Variants in CDH13 observed in about 807,000 individuals in gnomAD.
The protein encoded by CDH13 is cadherin 13, also known as cadherin-13.
Under a neutral mutation model 63.8 loss-of-function variants are expected in CDH13, and 24 were observed. The ratio of observed to expected loss-of-function variants is 0.38; its 90% confidence interval spans 0.27 to 0.53. The LOEUF (loss-of-function observed/expected upper bound fraction) is 0.53. Ranked by LOEUF, CDH13 falls within the 20% of genes least tolerant of loss-of-function variation. CDH13 has a pLI of 0.85. For synonymous variants in CDH13, 503 were observed against 355.3 expected, an observed-to-expected ratio of 1.42 and a Z score of -4.67; for missense variants, 1,049 against 903.1, an observed-to-expected ratio of 1.16 and a Z score of -2.07.
In CDH13 at chr16:83,158,828, C is replaced by T. The variant is rs561718140; in HGVS notation, c.483+33327C>T. On this transcript the variant is annotated intron_variant, in intron 4 of 13. Transcript: ENST00000567109. ...GGCCCATGGTAGCCAGGAAGGGCGG[C>T]GGGGTGGTCCTTGGTACCTGGAGCC... Among the ~76,000 whole-genome samples the T allele has an allele frequency of 4.0e-4, 61 of 152,314 alleles. 1 individual carries two copies. In the Middle Eastern group the frequency reaches 0.01, roughly 25 times the overall value.
At chr16:83,791,276 C>T (rs1465760200) in intron 13 of CDH13, among the ~76,000 whole-genome samples, 3 of 152,208 alleles carry the variant, frequency 2.0e-5, no homozygotes, top group Admixed American at 2.0e-4. Context: ...GTGGGCCGAT[C>T]ACCTGAGGTC....
chr16:83,278,156 T>C (rs1187395498), intron 5 of CDH13, among the ~76,000 whole-genome samples: 2 of 152,172 alleles, frequency 1.3e-5, no homozygotes, highest in African/African-American at 4.8e-5. Context: ...TTCTGGCAAA[T>C]TTGCAGTTAT....
At chr16:83,387,119 G>A (rs917474727) in intron 6 of CDH13, among the ~76,000 whole-genome samples, 2 of 152,164 alleles carry the variant, frequency 1.3e-5, no homozygotes, top group African/African-American at 4.8e-5. Context: ...AGAAATGAGT[G>A]TTAGGTCAAC....
chr16:83,689,139 G>C (rs933229209), intron 10 of CDH13, among the ~76,000 whole-genome samples: 6 of 152,108 alleles, frequency 3.9e-5, no homozygotes, highest in African/African-American at 1.4e-4. Flanking sequence ...TTGAAAACAT[G>C]GTTTCAAATT....
intron 8 of CDH13, among the ~76,000 whole-genome samples, chr16:83,669,547 C>A (rs149665161): frequency 6.6e-6 from 1 of 152,104 alleles, no homozygotes; most frequent in Admixed American, 6.6e-5. Context: ...ATTTTCTAGC[C>A]TCCATGCATG....
intron 3 of CDH13, among the ~76,000 whole-genome samples, chr16:83,054,522 G>T (rs935011671): frequency 6.6e-6 from 1 of 152,092 alleles, no homozygotes; most frequent in Non-Finnish European, 1.5e-5. Flanking sequence ...GTCCAGAACA[G>T]GACAGCAGGA....
chr16:83,125,692 C>A (rs1044018143), intron 4 of CDH13, among the ~76,000 whole-genome samples, 191 bp downstream of exon 4: 6 of 152,166 alleles, frequency 3.9e-5, no homozygotes, highest in African/African-American at 1.4e-4. Context: ...TGGAAAAAAC[C>A]AATAGCAGCT....
At chr16:82,878,584 G>C (rs556662022) in intron 2 of CDH13, among the ~76,000 whole-genome samples, 56 of 151,058 alleles carry the variant, frequency 3.7e-4, no homozygotes, top group African/African-American at 1.3e-3. Flanking sequence ...CCTTCTGTGC[G>C]TTGGGGCTTC....
At chr16:82,966,544 C>T (rs748565192) in intron 2 of CDH13, among the ~76,000 whole-genome samples, 1 of 152,182 alleles carries the variant, frequency 6.6e-6, no homozygotes, top group African/African-American at 2.4e-5. Flanking sequence ...TCAAACATTC[C>T]GATCCAGATT....
intron 7 of CDH13, among the ~76,000 whole-genome samples, chr16:83,534,003 C>T (rs905992964): frequency 9.9e-5 from 15 of 152,134 alleles, no homozygotes; most frequent in Admixed American, 5.2e-4. Context: ...AAAAATTAAC[C>T]ATTTTAAAGT....
intron 4 of CDH13, among the ~76,000 whole-genome samples, chr16:83,199,504 A>C (rs2038965191): frequency 1.3e-5 from 2 of 152,214 alleles, no homozygotes; most frequent in South Asian, 4.1e-4. Context: ...GCATTTGTGA[A>C]GTTAAAAAAA....
chr16:83,186,127 T>A (rs987670535), intron 4 of CDH13, among the ~76,000 whole-genome samples: 8 of 147,632 alleles, frequency 5.4e-5, no homozygotes, highest in African/African-American at 2.0e-4. Flanking sequence ...TTTATTTTAT[T>A]TTATTTTATT....
chr16:83,651,426 G>C (rs762326942), intron 8 of CDH13, among the ~76,000 whole-genome samples: 1 of 151,906 alleles, frequency 6.6e-6, no homozygotes, highest in East Asian at 1.9e-4. Context: ...TCATAATCCT[G>C]TAAGGGTAGG....
At position 83,179,481 on chromosome 16, in the gene CDH13, T is replaced by TAAAAAAAAAAAAAAAAAAAAAAAAA. The variant is rs565547312; in HGVS notation, c.484-37843_484-37842insAAAAAAAAAAAAAAAAAAAAAAAAA. On this transcript the variant is annotated intron_variant, in intron 4 of 13. Transcript: ENST00000567109. ...TAACACAGTGAAACCCCGTCTCTAC[T>TAAAAAAAAAAAAAAAAAAAAAAAAA]AAAAAAAAAAAAAAAAAAAAATTAG... 2.2e-4 allele frequency among the ~76,000 whole-genome samples: 15 copies of TAAAAAAAAAAAAAAAAAAAAAAAAA among 69,084 alleles called. 1 individual carries two copies. The highest frequency in any genetic ancestry group is 3.6e-4 in the Non-Finnish European group (13 of 36,338). The allele number at this position is 69,084 out of a possible 152,430, so 45.3% of individuals were successfully genotyped here.
At chr16:83,062,117 C>A (rs1340531115) in intron 3 of CDH13, among the ~76,000 whole-genome samples, 4 of 152,182 alleles carry the variant, frequency 2.6e-5, no homozygotes, top group Admixed American at 1.3e-4. Context: ...TGTTTCTGAG[C>A]TTTGCATCTG....
chr16:83,554,148 C>G (rs1438092183), intron 7 of CDH13, among the ~76,000 whole-genome samples: 1 of 152,026 alleles, frequency 6.6e-6, no homozygotes, highest in Non-Finnish European at 1.5e-5. Flanking sequence ...CTAGATCTTT[C>G]TAAACCAGGG....
intron 2 of CDH13, among the ~76,000 whole-genome samples, chr16:82,938,350 C>T (rs754652388): frequency 6.6e-6 from 1 of 152,204 alleles, no homozygotes; most frequent in Non-Finnish European, 1.5e-5. Context: ...GGGAATAGAA[C>T]TCAGTAAACT....
At position 83,124,131 on chromosome 16, in the gene CDH13, C is replaced by T. The variant is rs75343304; in HGVS notation, c.367-1254C>T. 4.8e-3 allele frequency among the ~76,000 whole-genome samples: 734 copies of T among 152,116 alleles called. 21 individuals are homozygous for T. The highest frequency in any genetic ancestry group is 0.043 in the Admixed American group (659 of 15,274). On this transcript the variant is annotated intron_variant, in intron 3 of 13. Coordinates refer to ENST00000567109, the MANE Select transcript of CDH13 (RefSeq NM_001257.5). ...TGTAATCTTGGCTCACTGCACTGTC[C>T]GCCTCCTGGGTTCAAGCAATTCTCC... is the stretch of plus-strand genomic sequence containing the variant.
chr16:82,970,734 G>T (rs1420859431), intron 2 of CDH13, among the ~76,000 whole-genome samples: 2 of 152,004 alleles, frequency 1.3e-5, no homozygotes, highest in African/African-American at 4.8e-5. Flanking sequence ...TCCTTGATCT[G>T]CATAATAGAT....
Sources: allele counts gnomAD v4.1 joint callset (sites outside exome capture counted in the v4.1 genomes callset), GRCh38; gene constraint gnomAD v4.1.1; transcripts MANE v1.5; gene names NCBI Gene and HGNC (gene_info 2026-07-23, HGNC 2026-07-21).